KDM3B: variants seen among roughly 807,000 people sequenced by gnomAD.
KDM3B encodes lysine-specific demethylase 3B.
KDM3B carries 10 observed loss-of-function variants against 170.0 expected under a neutral mutation model. That is an observed-to-expected ratio of 0.06 (90% CI 0.04 to 0.10). KDM3B has a LOEUF of 0.10. Among genes scored for constraint, KDM3B ranks in the 10% least tolerant of loss-of-function variants. The pLI is 1.00. For missense variants in KDM3B, 1,394 were observed against 2,195.2 expected (o/e 0.64, Z 7.29); for synonymous variants, 831 against 834.8 (o/e 1.00, Z 0.08).
At chr5:138,411,612 A>C (rs1762971410) in intron 11 of KDM3B, among the ~76,000 whole-genome samples, 1 of 152,156 alleles carries the variant, frequency 6.6e-6, no homozygotes, top group Non-Finnish European at 1.5e-5. Flanking sequence ...GAAAGAAATA[A>C]AATATTTGTA....
chr5:138,426,922 T>C, intron 17 of KDM3B, 53 bp from the exon 18 acceptor site: 1 of 1,258,542 alleles, frequency 7.9e-7, no homozygotes, highest in East Asian at 2.4e-5. Context: ...CTGTTGAAAA[T>C]CGGACACCAG....
chr5:138,408,996 C>T (rs959599933), intron 11 of KDM3B, among the ~76,000 whole-genome samples: 1 of 152,034 alleles, frequency 6.6e-6, no homozygotes, highest in Non-Finnish European at 1.5e-5. Context: ...AGCACAATGA[C>T]CACAAAACAA....
At position 138,386,552 on chromosome 5, in the gene KDM3B, A is replaced by G. The variant is rs1218285220; in HGVS notation, c.1311A>G (p.Ser437=). The change falls in exon 7 of 24, where the codon TCA becomes TCG. Residue 437 remains serine (S), a synonymous_variant. Transcript: ENST00000314358. ...CCACCCCAAACACAGTGAGGATCTC[A>G]GACACTGGCCTTGCAGCAGGGACTG... The part of the protein sequence containing the change: ...ASSTPNTVRI[S]DTGLAAGTVP... 1 of 1,613,526 alleles carries G rather than the reference A, an allele frequency of 6.2e-7. No individual in the cohort carries two copies. The highest frequency in any genetic ancestry group is 8.5e-7 in the Non-Finnish European group (1 of 1,179,406).
chr5:138,430,463 T>C, intron 22 of KDM3B, 38 bp downstream of exon 22: 1 of 1,566,478 alleles, frequency 6.4e-7, no homozygotes, highest in Non-Finnish European at 8.7e-7. Flanking sequence ...AACAGTTCCA[T>C]GGGCTTTCTT....
At chr5:138,382,409 A>T (rs1762148963) in intron 6 of KDM3B, among the ~76,000 whole-genome samples, 1 of 152,080 alleles carries the variant, frequency 6.6e-6, no homozygotes, top group African/African-American at 2.4e-5. Context: ...CTGAGATCGC[A>T]CCATTGCACT....
At chr5:138,388,662 A>AG (rs1431650293) in intron 7 of KDM3B, among the ~76,000 whole-genome samples, 1 of 150,692 alleles carries the variant, frequency 6.6e-6, no homozygotes, top group African/African-American at 2.4e-5. Flanking sequence ...AAAAAAAAAA[A>AG]AAGGCTGGGC....
intron 19 of KDM3B, 130 bp downstream of exon 19, chr5:138,427,449 C>A: frequency 9.7e-7 from 1 of 1,027,870 alleles, no homozygotes; most frequent in Non-Finnish European, 1.4e-6. Context: ...GAATAGTATC[C>A]AAGGTGGTCT....
At chr5:138,362,589 A>G (rs1027170281) in intron 1 of KDM3B, among the ~76,000 whole-genome samples, 1 of 133,058 alleles carries the variant, frequency 7.5e-6, no homozygotes, top group South Asian at 2.4e-4. Context: ...CACACACAAA[A>G]TATCTTAAGT....
rs1763487406 is a variant in KDM3B at position 138,429,875 on chromosome 5, G to T, written c.4803G>T (p.Gln1601His). 6.2e-7 allele frequency: 1 copy of T among 1,614,092 alleles called. No homozygotes were observed. Among genetic ancestry groups the T allele is most frequent in the African/African-American group, 1.3e-5 (1 of 74,950 alleles). The change falls in exon 21 of 24, where the codon CAG becomes CAT. Residue 1601 changes from glutamine to histidine, a missense_variant. Physicochemically the swap from Gln to His is conservative, Grantham distance 24. Transcript: ENST00000314358. Reference protein sequence around the residue: ...DEGDADEVTKQRIHDGKEKPG... With the variant: ...DEGDADEVTKHRIHDGKEKPG... Reference sequence around the variant, plus strand: ...GAGATGCCGATGAGGTGACGAAGCAGAGGATTCATGATGGAAAAGAGAAGC... The same window carrying T: ...GAGATGCCGATGAGGTGACGAAGCATAGGATTCATGATGGAAAAGAGAAGC...
intron 1 of KDM3B, among the ~76,000 whole-genome samples, chr5:138,354,298 G>A (rs2126899607): frequency 6.6e-6 from 1 of 152,268 alleles, no homozygotes; most frequent in East Asian, 1.9e-4. Context: ...TTTGCAAAAA[G>A]ATACTAAAAA....
chr5:138,418,463 T>C (rs1763164962), intron 13 of KDM3B, among the ~76,000 whole-genome samples: 1 of 152,214 alleles, frequency 6.6e-6, no homozygotes, highest in Non-Finnish European at 1.5e-5. Flanking sequence ...TCGTTGATGA[T>C]AAGAGGCACA....
chr5:138,379,504 A>G, intron 4 of KDM3B, 80 bp from the exon 5 acceptor site: 1 of 1,386,032 alleles, frequency 7.2e-7, no homozygotes. Context: ...TACATTATCT[A>G]ATTTTCCTTT....
intron 11 of KDM3B, among the ~76,000 whole-genome samples, chr5:138,409,741 G>C (rs1397233330): frequency 1.3e-5 from 2 of 152,014 alleles, no homozygotes; most frequent in East Asian, 1.9e-4. Flanking sequence ...AACACAGCAA[G>C]ATCCCATCTC....
chr5:138,358,605 C>CT (rs35026136), intron 1 of KDM3B, among the ~76,000 whole-genome samples: 56 of 145,472 alleles, frequency 3.8e-4, no homozygotes, highest in African/African-American at 4.8e-4. Flanking sequence ...CGCACCCAGC[C>CT]TTTTTTTTTT....
At position 138,391,808 on chromosome 5, in the gene KDM3B, A is replaced by G. The variant is rs746385303; in HGVS notation, c.2176A>G (p.Ser726Gly). The change falls in exon 8 of 24, where the codon AGC becomes GGC. Residue 726 changes from serine (S) to glycine (G), a missense_variant. Transcript: ENST00000314358. The surrounding 1 kb of genome is among the most constrained non-coding windows in gnomAD (Gnocchi z 5.0). ...SLSAMGNGRSSSPTSSLTQPI... is the reference protein window; with the variant it reads ...SLSAMGNGRSGSPTSSLTQPI... ...CTCTGCCATGGGGAATGGCCGCTCCAGCTCGCCCACCAGCAGCCTCACTCA... is the reference window on the plus strand; with the variant it reads ...CTCTGCCATGGGGAATGGCCGCTCCGGCTCGCCCACCAGCAGCCTCACTCA... The G allele has an allele frequency of 6.2e-7, 1 of 1,613,948 alleles. No homozygotes were observed. The highest frequency in any genetic ancestry group is 1.3e-5 in the African/African-American group (1 of 74,904).
chr5:138,365,253 C>CTT (rs374137491), intron 1 of KDM3B, among the ~76,000 whole-genome samples: 1 of 151,894 alleles, frequency 6.6e-6, no homozygotes, highest in Non-Finnish European at 1.5e-5. Flanking sequence ...ATACAGGATT[C>CTT]TTTTTTTTCT....
chr5:138,374,498 T>G lies in KDM3B; in HGVS notation c.361-595T>G, dbSNP rs1296636177. Among the ~76,000 whole-genome samples the G allele has an allele frequency of 3.3e-5, 5 of 152,166 alleles. No homozygotes were observed. The East Asian group carries it at 9.6e-4, about 29-fold the overall frequency. The stretch of plus-strand genomic sequence containing the variant: ...TGGTCTCGATCTCCTGACCTCGTGA[T>G]CCACCCGCCTCGGCCTCCCAAAGTG... On this transcript the variant is annotated intron_variant, in intron 2 of 23. Coordinates refer to ENST00000314358, the MANE Select transcript of KDM3B (RefSeq NM_016604.4).
chr5:138,418,844 C>A, intron 13 of KDM3B, 109 bp from the exon 14 acceptor site: 1 of 1,037,564 alleles, frequency 9.6e-7, no homozygotes, highest in Non-Finnish European at 1.4e-6. Context: ...TGCCAGTTTA[C>A]ATGACAGATT....
intron 1 of KDM3B, among the ~76,000 whole-genome samples, chr5:138,367,462 T>C (rs570892121): frequency 6.6e-6 from 1 of 152,318 alleles, no homozygotes; most frequent in South Asian, 2.1e-4. Context: ...AAACTTAGGA[T>C]AATATATTTT....
Sources: allele counts gnomAD v4.1 joint callset (sites outside exome capture counted in the v4.1 genomes callset), GRCh38; gene constraint gnomAD v4.1.1; non-coding constraint Gnocchi (gnomAD v3.1); transcripts MANE v1.5; gene names NCBI Gene and HGNC (gene_info 2026-07-23, HGNC 2026-07-21).